WWOX: variants seen among roughly 807,000 people sequenced by gnomAD.
The protein encoded by WWOX is WW domain-containing oxidoreductase.
Under a neutral mutation model 46.2 loss-of-function variants are expected in WWOX, and 69 were observed. That is an observed-to-expected ratio of 1.49 (90% confidence interval 1.23 to 1.82). The LOEUF (loss-of-function observed/expected upper bound fraction) is 1.82, where lower values mean the gene tolerates loss of function less well. WWOX is among the 40% of genes most tolerant of loss of function. WWOX has a pLI of 0.00. For missense variants in WWOX, 919 were observed against 542.6 expected (o/e 1.69, Z -6.89); for synonymous variants, 359 against 202.6 (o/e 1.77, Z -6.56).
intron 6 of WWOX, among the ~76,000 whole-genome samples, chr16:78,389,982 A>G (rs1484640878): frequency 6.6e-6 from 1 of 152,146 alleles, no homozygotes; most frequent in Non-Finnish European, 1.5e-5. Context: ...CCTGACCTCA[A>G]GTGATCTCTC....
chr16:78,575,049 ATATATAT>A (rs2044834012), intron 8 of WWOX, among the ~76,000 whole-genome samples: 1 of 11,088 alleles, frequency 9.0e-5, no homozygotes, highest in Non-Finnish European at 1.8e-4. Flanking sequence ...ATATATATAT[ATATATAT>A]ATATATATAT....
At chr16:78,521,972 C>T (rs2043357509) in intron 8 of WWOX, among the ~76,000 whole-genome samples, 1 of 151,944 alleles carries the variant, frequency 6.6e-6, no homozygotes, top group Non-Finnish European at 1.5e-5. Flanking sequence ...ACAGCAGGCC[C>T]ATTTTGCAAG....
chr16:78,747,448 A>G (rs1229705172), intron 8 of WWOX, among the ~76,000 whole-genome samples: 4 of 152,134 alleles, frequency 2.6e-5, no homozygotes, highest in Non-Finnish European at 5.9e-5. Flanking sequence ...AAATAAAAAT[A>G]CCCATCATTT....
chr16:79,201,495 G>T (rs2051351323), intron 8 of WWOX, among the ~76,000 whole-genome samples: 1 of 152,254 alleles, frequency 6.6e-6, no homozygotes, highest in Admixed American at 6.5e-5. Flanking sequence ...GGGCTCCAGA[G>T]AGTCCCTTGT....
chr16:78,869,202 C>G (rs915804899), intron 8 of WWOX, among the ~76,000 whole-genome samples: 15 of 152,266 alleles, frequency 9.9e-5, no homozygotes, highest in African/African-American at 3.6e-4. Flanking sequence ...TCTGTGGACT[C>G]TGTGGTGGGT....
At chr16:78,130,535 A>G (rs1462287286) in intron 4 of WWOX, among the ~76,000 whole-genome samples, 4 of 152,226 alleles carry the variant, frequency 2.6e-5, no homozygotes, top group African/African-American at 7.2e-5. Context: ...CTATCAAGGA[A>G]CATAGTTGCA....
intron 8 of WWOX, among the ~76,000 whole-genome samples, chr16:78,943,272 C>T (rs191953660): frequency 2.0e-3 from 303 of 150,550 alleles, no homozygotes; most frequent in Middle Eastern, 6.8e-3. Flanking sequence ...GTTATTGTGC[C>T]CATTTCCTGG....
intron 8 of WWOX, among the ~76,000 whole-genome samples, chr16:79,151,263 A>T (rs1382406818): frequency 6.6e-6 from 1 of 152,194 alleles, no homozygotes; most frequent in Non-Finnish European, 1.5e-5. Context: ...TTGACTTTTC[A>T]CTGCCTTTGA....
intron 8 of WWOX, among the ~76,000 whole-genome samples, chr16:79,139,594 T>C (rs1375844568): frequency 6.6e-6 from 1 of 152,156 alleles, no homozygotes. Context: ...TTTCTTTTCT[T>C]TTTCTTTCTT....
chr16:78,335,423 C>T (rs1427293770), intron 5 of WWOX, among the ~76,000 whole-genome samples: 1 of 152,192 alleles, frequency 6.6e-6, no homozygotes, highest in Non-Finnish European at 1.5e-5. Flanking sequence ...TAACGGCTTC[C>T]AGCTCCATCC....
At chr16:78,744,852 A>G (rs1000096270) in intron 8 of WWOX, among the ~76,000 whole-genome samples, 1 of 152,180 alleles carries the variant, frequency 6.6e-6, no homozygotes, top group Non-Finnish European at 1.5e-5. Flanking sequence ...ACTTCACTAA[A>G]GTCATTGGGT....
chr16:78,194,862 A>T (rs141835980), intron 5 of WWOX, among the ~76,000 whole-genome samples: 1 of 152,126 alleles, frequency 6.6e-6, no homozygotes, highest in African/African-American at 2.4e-5. Flanking sequence ...CTAACGCTCT[A>T]TGTAACTGTC....
chr16:78,881,081 T>G, intron 8 of WWOX, among the ~76,000 whole-genome samples: 1 of 148,910 alleles, frequency 6.7e-6, no homozygotes, highest in Non-Finnish European at 1.5e-5. Context: ...AACCTTTGCC[T>G]CCTGGGCGCA....
intron 8 of WWOX, among the ~76,000 whole-genome samples, chr16:78,889,370 C>T (rs945601784): frequency 5.4e-5 from 6 of 111,228 alleles, no homozygotes; most frequent in African/African-American, 2.1e-4. Context: ...CCGATTTATA[C>T]TATGGATCAG....
intron 7 of WWOX, among the ~76,000 whole-genome samples, chr16:78,428,576 C>CT (rs1194475074): frequency 2.6e-5 from 4 of 152,134 alleles, no homozygotes; most frequent in Non-Finnish European, 5.9e-5. Flanking sequence ...TCATGGGATT[C>CT]TTTTGACTTG....
rs76805528 is a variant in WWOX at position 78,959,740 on chromosome 16, A to G, written c.1057-251868A>G. Reference sequence around the variant, plus strand: ...CATCAAAAGGCCTAGGAGCCTTTCCATGACCAAATGCCCATATTGATGAAT... The same window carrying G: ...CATCAAAAGGCCTAGGAGCCTTTCCGTGACCAAATGCCCATATTGATGAAT... On this transcript the variant is annotated intron_variant, in intron 8 of 8. Transcript: ENST00000566780. Among the ~76,000 whole-genome samples the G allele has an allele frequency of 4.5e-3, 682 of 152,326 alleles. 7 individuals are homozygous for G. The highest frequency in any genetic ancestry group is 0.015 in the African/African-American group (629 of 41,584).
chr16:79,119,450 G>A (rs535108059), intron 8 of WWOX, among the ~76,000 whole-genome samples: 3 of 152,250 alleles, frequency 2.0e-5, no homozygotes, highest in South Asian at 4.1e-4. Context: ...CCTCAAAATC[G>A]GAGTGCCATC....
intron 8 of WWOX, among the ~76,000 whole-genome samples, chr16:78,709,698 T>C (rs1597474520): frequency 6.6e-6 from 1 of 151,638 alleles, no homozygotes; most frequent in Non-Finnish European, 1.5e-5. Flanking sequence ...AAATTGGCTT[T>C]GTGTTGGGGC....
At chr16:79,122,165 C>T (rs186603334) in intron 8 of WWOX, among the ~76,000 whole-genome samples, 3 of 152,226 alleles carry the variant, frequency 2.0e-5, no homozygotes, top group Admixed American at 6.5e-5. Flanking sequence ...TCAAATCATC[C>T]GCCACTTGCT....
Sources: gnomAD v4.1 joint callset for allele counts (sites outside exome capture counted in the v4.1 genomes callset) on GRCh38, gnomAD v4.1.1 for gene constraint, MANE v1.5 for transcripts, NCBI Gene and HGNC (gene_info 2026-07-23, HGNC 2026-07-21) for gene names.